Variants in CSMD1 observed in about 807,000 individuals in gnomAD.
CSMD1 encodes CUB and sushi domain-containing protein 1.
A neutral mutation model predicts 417.5 loss-of-function variants in CSMD1; 213 were observed. That is an observed-to-expected ratio of 0.51 (90% CI 0.46 to 0.57). The LOEUF (loss-of-function observed/expected upper bound fraction) is 0.57. Ranked by LOEUF, CSMD1 falls within the 20% of genes least tolerant of loss-of-function variation. The pLI is 0.00. For synonymous variants in CSMD1, 2,862 were observed against 1,736.8 expected (o/e 1.65, Z -16.11); for missense variants, 6,923 against 4,529.7 (o/e 1.53, Z -15.17).
intron 9 of CSMD1, among the ~76,000 whole-genome samples, chr8:3,580,319 T>C (rs116034161): frequency 0.021 from 3,145 of 152,070 alleles, 113 homozygotes; most frequent in African/African-American, 0.072. Flanking sequence ...GCCTGCTCTG[T>C]AAGAAGTGGT....
chr8:3,654,226 TGTAAA>T lies in CSMD1; in HGVS notation c.1010-37434_1010-37430del, dbSNP rs1797994476. 2.0e-5 allele frequency among the ~76,000 whole-genome samples: 3 copies of T among 152,224 alleles called. No homozygotes were observed. In the South Asian group the frequency reaches 6.2e-4, roughly 31 times the overall value. ...TTACCTTCAGTTTGACTGAATTGTATGTAAACCTTGGTTTTCAGGGACTTATTTAA... is the reference window on the plus strand; with the variant it reads ...TTACCTTCAGTTTGACTGAATTGTATCCTTGGTTTTCAGGGACTTATTTAA... On this transcript the variant is annotated intron_variant, in intron 7 of 69. Transcript: ENST00000635120.
intron 5 of CSMD1, among the ~76,000 whole-genome samples, chr8:3,980,927 C>T (rs1164617766): frequency 6.6e-6 from 1 of 152,112 alleles, no homozygotes; most frequent in East Asian, 1.9e-4. Flanking sequence ...CTAAAACATC[C>T]CGCCGTTCCC....
intron 3 of CSMD1, 74 bp from the exon 4 acceptor site, chr8:4,032,173 G>A (rs1295643844): frequency 4.7e-6 from 5 of 1,066,610 alleles, no homozygotes; most frequent in South Asian, 3.3e-5. Flanking sequence ...AGATAAAACA[G>A]ACACCATTTT....
rs183337280 is a variant in CSMD1 at position 4,456,467 on chromosome 8, C to T, written c.303-36402G>A. 2.0e-3 allele frequency among the ~76,000 whole-genome samples: 304 copies of T among 152,162 alleles called. 1 individual carries two copies. The highest frequency in any genetic ancestry group is 4.0e-3 in the South Asian group (19 of 4,806). ...TAAGAGTATTCTTAACGAAAATCACCAACAGACAGGGAATAGTCTTTGGAA... is the reference window on the plus strand; with the variant it reads ...TAAGAGTATTCTTAACGAAAATCACTAACAGACAGGGAATAGTCTTTGGAA... On this transcript the variant is annotated intron_variant, in intron 2 of 69. Coordinates refer to ENST00000635120, the MANE Select transcript of CSMD1 (RefSeq NM_033225.6).
intron 29 of CSMD1, among the ~76,000 whole-genome samples, chr8:3,218,479 T>C (rs1798010625): frequency 1.3e-5 from 2 of 150,410 alleles, no homozygotes; most frequent in Non-Finnish European, 2.9e-5. Flanking sequence ...GAGAATCGCT[T>C]GAACCCTGGA....
intron 12 of CSMD1, among the ~76,000 whole-genome samples, chr8:3,462,089 G>C (rs1481573121): frequency 6.7e-6 from 1 of 148,488 alleles, no homozygotes; most frequent in African/African-American, 2.5e-5. Flanking sequence ...TTGATCCCAA[G>C]GGCACCATTT....
chr8:3,714,737 T>G (rs1014876954), intron 6 of CSMD1, among the ~76,000 whole-genome samples: 16 of 151,842 alleles, frequency 1.1e-4, no homozygotes, highest in Non-Finnish European at 2.1e-4. Flanking sequence ...ACCCTTTAGT[T>G]TCTCAAAAAA....
At chr8:4,777,923 C>A (rs1420948581) in intron 1 of CSMD1, among the ~76,000 whole-genome samples, 1 of 152,166 alleles carries the variant, frequency 6.6e-6, no homozygotes, top group African/African-American at 2.4e-5. Context: ...AAGGGCTACT[C>A]CCTATAATAC....
At chr8:3,868,154 T>C (rs552330515) in intron 5 of CSMD1, among the ~76,000 whole-genome samples, 1 of 152,170 alleles carries the variant, frequency 6.6e-6, no homozygotes, top group African/African-American at 2.4e-5. Context: ...ACAGCCCTAA[T>C]TCCACTCCAC....
At chr8:3,509,979 A>G (rs904595459) in intron 10 of CSMD1, among the ~76,000 whole-genome samples, 1 of 152,208 alleles carries the variant, frequency 6.6e-6, no homozygotes, top group Non-Finnish European at 1.5e-5. Flanking sequence ...AAGTGTGTCA[A>G]AAAATTGCAA....
At chr8:4,302,525 G>C (rs903059106) in intron 3 of CSMD1, among the ~76,000 whole-genome samples, 2 of 152,154 alleles carry the variant, frequency 1.3e-5, no homozygotes, top group African/African-American at 2.4e-5. Flanking sequence ...CATGTAGGAA[G>C]TCAGATTAAG....
intron 3 of CSMD1, among the ~76,000 whole-genome samples, chr8:4,295,602 T>C (rs1345022758): frequency 2.1e-5 from 3 of 145,444 alleles, no homozygotes; most frequent in East Asian, 2.0e-4. Flanking sequence ...TAAGATTATA[T>C]ATAATCCTAA....
intron 2 of CSMD1, among the ~76,000 whole-genome samples, chr8:4,427,600 C>G (rs567886764): frequency 6.6e-6 from 1 of 151,888 alleles, no homozygotes; most frequent in South Asian, 2.1e-4. Context: ...GAGAGAGACT[C>G]GAAGTAAAAA....
At chr8:3,288,396 C>G (rs1300314495) in intron 25 of CSMD1, among the ~76,000 whole-genome samples, 2 of 147,122 alleles carry the variant, frequency 1.4e-5, no homozygotes, top group Admixed American at 6.7e-5. Context: ...CCTTGTACCT[C>G]TGGTAGAATT....
Position 3,056,179 on chromosome 8 carries a change from T to C in CSMD1, c.7475-3532A>G, listed in dbSNP as rs547269823. Among the ~76,000 whole-genome samples the C allele has an allele frequency of 1.1e-4, 17 of 152,354 alleles. No homozygotes were observed. In the South Asian group the frequency reaches 2.3e-3, roughly 20 times the overall value. On this transcript the variant is annotated intron_variant, in intron 49 of 69. Transcript: ENST00000635120. ...AAGAGTAAGTTGGTAGGTAGTAAGA[T>C]GGCTTACTTCACTTACATATCTCAT... is the stretch of plus-strand genomic sequence containing the variant.
At chr8:4,783,339 G>A (rs533857193) in intron 1 of CSMD1, among the ~76,000 whole-genome samples, 3 of 152,264 alleles carry the variant, frequency 2.0e-5, no homozygotes, top group South Asian at 2.1e-4. Context: ...GACCCGCAGC[G>A]CCACAGCCTC....
At chr8:4,832,659 T>C (rs997668083) in intron 1 of CSMD1, among the ~76,000 whole-genome samples, 3 of 152,176 alleles carry the variant, frequency 2.0e-5, no homozygotes, top group Non-Finnish European at 4.4e-5. Context: ...TAAATATATA[T>C]TCTCATATTT....
At chr8:3,824,181 G>A (rs893928936) in intron 5 of CSMD1, among the ~76,000 whole-genome samples, 3 of 151,848 alleles carry the variant, frequency 2.0e-5, no homozygotes, top group African/African-American at 7.3e-5. Context: ...TATAGCTTTG[G>A]AGATGATGAC....
chr8:3,859,095 C>T (rs992570558), intron 5 of CSMD1, among the ~76,000 whole-genome samples: 1 of 152,184 alleles, frequency 6.6e-6, no homozygotes, highest in African/African-American at 2.4e-5. Context: ...CATCCATGCA[C>T]ATTCAATCAG....
Sources: gnomAD v4.1 joint callset for allele counts (sites outside exome capture counted in the v4.1 genomes callset) on GRCh38, gnomAD v4.1.1 for gene constraint, MANE v1.5 for transcripts, NCBI Gene and HGNC (gene_info 2026-07-23, HGNC 2026-07-21) for gene names.